Variants in EIF2D observed in about 807,000 individuals in gnomAD.
The protein encoded by EIF2D is eukaryotic translation initiation factor 2D.
In EIF2D, 56 loss-of-function variants were observed where a neutral mutation model predicts 77.4. The ratio of observed to expected loss-of-function variants is 0.72; its 90% CI spans 0.58 to 0.90. The LOEUF (loss-of-function observed/expected upper bound fraction) is 0.90. EIF2D is among the 40% of genes least tolerant of loss of function. The probability of loss-of-function intolerance (pLI) is 0.00; values close to 1 mark genes in which losing one functional copy is unlikely to be tolerated. For synonymous variants in EIF2D, 230 were observed against 271.0 expected, an observed-to-expected ratio of 0.85 and a Z score of 1.49; for missense variants, 574 against 706.5, an observed-to-expected ratio of 0.81 and a Z score of 2.13.
intron 14 of EIF2D, 101 bp downstream of exon 14, chr1:206,593,518 T>TGC (rs1413175935): frequency 2.0e-4 from 122 of 615,752 alleles, no homozygotes; most frequent in African/African-American, 6.0e-4. Context: ...AGTGTGTGTG[T>TGC]GTGTGTGTGT....
chr1:206,611,069 A>C lies in EIF2D; in HGVS notation c.247+115T>G. Reference sequence around the variant, plus strand: ...GTCCATAAAGATCCTTGGGGATGGTATTGGGAGATTTCGTGCTTGCTTATT... The same window carrying C: ...GTCCATAAAGATCCTTGGGGATGGTCTTGGGAGATTTCGTGCTTGCTTATT... On this transcript the variant is annotated intron_variant, in intron 2 of 14. Transcript: ENST00000271764. 2.1e-6 allele frequency: 2 copies of C among 944,838 alleles called. 1 individual carries two copies. The highest frequency in any genetic ancestry group is 3.5e-5 in the South Asian group (2 of 56,756). The allele number at this position is 944,838 out of a possible 1,614,324, so 58.5% of individuals were successfully genotyped here. A position where few individuals can be genotyped will look rare whatever the true frequency, so the allele number is the denominator to read the frequency against.
rs781844243 is a variant in EIF2D, at chr1:206,611,274, A to G, written c.157T>C (p.Leu53=). ...PGKEELNIVK[L]YAHKGDAVTV... is the part of the protein sequence containing the mutation. The stretch of plus-strand genomic sequence containing the variant: ...ACTGCATCCCCTTTGTGAGCATACA[A>G]CTTCACAATGTTGAGCTCCTCCTTT... The change falls in exon 2 of 15, where the codon TTG becomes CTG. Residue 53 remains leucine (L), a synonymous_variant. Coordinates refer to ENST00000271764, the MANE Select transcript of EIF2D (RefSeq NM_006893.3). The G allele has an allele frequency of 9.9e-6, 16 of 1,614,050 alleles. No homozygotes were observed. The highest frequency in any genetic ancestry group is 1.4e-5 in the Non-Finnish European group (16 of 1,180,026).
intron 4 of EIF2D, among the ~76,000 whole-genome samples, chr1:206,577,894 G>C (rs904517341): frequency 3.9e-5 from 6 of 152,120 alleles, no homozygotes; most frequent in Non-Finnish European, 8.8e-5. Context: ...AGTCTAGTTG[G>C]GAAGAAGACC....
At chr1:206,590,640 C>T (rs1553408783), downstream of EIF2D, among the ~76,000 whole-genome samples, 1 of 152,076 alleles carries the variant, frequency 6.6e-6, no homozygotes, top group Non-Finnish European at 1.5e-5. Flanking sequence ...GTAAAAAGGT[C>T]TATTCTGGGC....
intron 4 of EIF2D, among the ~76,000 whole-genome samples, chr1:206,578,410 G>A (rs1341062100): frequency 6.6e-6 from 1 of 152,104 alleles, no homozygotes; most frequent in Non-Finnish European, 1.5e-5. Context: ...ATGATGAAAT[G>A]AGCTAATACA....
At chr1:206,611,693 C>G (rs1670504598) in intron 1 of EIF2D, among the ~76,000 whole-genome samples, 1 of 152,220 alleles carries the variant, frequency 6.6e-6, no homozygotes, top group African/African-American at 2.4e-5. Context: ...GGGCCCACTC[C>G]TTTCTCATAC....
At chr1:206,570,428 C>T (rs567810472), downstream of EIF2D, among the ~76,000 whole-genome samples, 12 of 152,190 alleles carry the variant, frequency 7.9e-5, no homozygotes, top group South Asian at 1.0e-3. Flanking sequence ...AGTGCAGTGA[C>T]GTTAAGTATA....
rs782326068 is a variant in EIF2D at position 206,599,592 on chromosome 1, G to A, written c.1073C>T (p.Pro358Leu). The change falls in exon 10 of 15, where the codon CCC (proline) becomes CTC (leucine). Residue 358 changes from proline (P) to leucine (L), a missense_variant. Transcript: ENST00000271764. The surrounding 1 kb of genome is among the most constrained non-coding windows in gnomAD (Gnocchi z 4.1). ...AGTCTGGGAGGTCGGGGAGGGCTCG[G>A]GTATGACGAAAGATGTAATCCTAAA... The part of the protein sequence containing the change: ...KHPRITSFVI[P>L]EPSPTSQTIQ... The A allele has an allele frequency of 1.9e-6, 3 of 1,599,598 alleles. No homozygotes were observed. Among genetic ancestry groups the A allele is most frequent in the African/African-American group, 1.3e-5 (1 of 74,226 alleles).
chr1:206,588,786 T>A (rs1322974807), downstream of EIF2D: 3 of 152,718 alleles, frequency 2.0e-5, no homozygotes, highest in African/African-American at 4.8e-5. Context: ...TCCCTCCCTT[T>A]AGAAACTCTC....
chr1:206,612,456 C>A lies in EIF2D; in HGVS notation c.-114G>T, dbSNP rs568716523. 138 of 1,391,260 alleles carry A rather than the reference C, an allele frequency of 9.9e-5. No individual in the cohort carries two copies. The African/African-American group carries it at 1.8e-3, about 18-fold the overall frequency. The allele number at this position is 1,391,260 out of a possible 1,614,324, so 86.2% of individuals were successfully genotyped here. ...GGGGGCAGCCATGCTGGGGCCCGGC[C>A]GCGAAAAGGGCCCGGCTGGAAACCA... On this transcript the variant is annotated 5_prime_UTR_variant, in exon 1 of 15. Transcript: ENST00000271764.
At chr1:206,573,480 G>C (rs1381706986) in intron 4 of EIF2D, among the ~76,000 whole-genome samples, 1 of 152,206 alleles carries the variant, frequency 6.6e-6, no homozygotes, top group Non-Finnish European at 1.5e-5. Context: ...ACAGGCACGG[G>C]TGCTTCTCTC....
chr1:206,612,189 C>G (rs1670529914), intron 1 of EIF2D, 98 bp downstream of exon 1: 2 of 1,554,260 alleles, frequency 1.3e-6, no homozygotes, highest in Non-Finnish European at 1.8e-6. Flanking sequence ...CGGCCTCCAC[C>G]CGAGGATGTC....
At chr1:206,585,483 CT>C (rs1176209049) in intron 2 of EIF2D, 2 of 541,332 alleles carry the variant, frequency 3.7e-6, no homozygotes, top group Non-Finnish European at 6.7e-6. Context: ...TCTGAACACC[CT>C]GGGGTAGCAC....
In EIF2D at chr1:206,593,743, C is replaced by T; in HGVS notation, c.1560G>A (p.Val520=). The part of the protein sequence containing the change: ...LEAYGLDPYS[V]AAILQQRCQA... The stretch of plus-strand genomic sequence containing the variant: ...GGCATCGCTGCTGAAGGATGGCAGC[C>T]ACTGAGTATGGGTCCAGACCATAGG... The change falls in exon 14 of 15, where the codon GTG becomes GTA. Residue 520 remains valine (V), a synonymous_variant. Coordinates refer to ENST00000271764, the MANE Select transcript of EIF2D (RefSeq NM_006893.3). 6.2e-7 allele frequency: 1 copy of T among 1,613,774 alleles called. No individual in the cohort carries two copies. Among genetic ancestry groups the T allele is most frequent in the Non-Finnish European group, 8.5e-7 (1 of 1,179,908 alleles).
chr1:206,587,822 GA>G (rs1327192877), downstream of EIF2D: 1 of 152,494 alleles, frequency 6.6e-6, no homozygotes, highest in Non-Finnish European at 1.5e-5. Context: ...GCTAAGTATG[GA>G]AATCAGACAG....
chr1:206,581,387 C>T (rs1201073754), intron 2 of EIF2D, among the ~76,000 whole-genome samples: 1 of 152,092 alleles, frequency 6.6e-6, no homozygotes, highest in Non-Finnish European at 1.5e-5. Flanking sequence ...CATTTGAGGT[C>T]AGGAGTTCGA....
In EIF2D at chr1:206,603,139, C is replaced by G. The variant is rs1670013430; in HGVS notation, c.596G>C (p.Ser199Thr). Reference protein sequence around the residue: ...APLALDSADLSEEKGSVQMDS... With the variant: ...APLALDSADLTEEKGSVQMDS... ...CATCTGGACAGACCCCTTCTCTTCA[C>G]TGAGATCTGCTGAATCCAGGGCCAG... Residue 199 changes from serine (S) to threonine (T), a missense_variant, in exon 6 of 15, where the codon AGT becomes ACT. Ser to Thr is a moderately conservative substitution (Grantham distance 58). Transcript: ENST00000271764. 6.2e-7 allele frequency: 1 copy of G among 1,614,034 alleles called. No homozygotes were observed. The highest frequency in any genetic ancestry group is 1.3e-5 in the African/African-American group (1 of 74,908).
chr1:206,609,297 A>G, intron 3 of EIF2D, 79 bp downstream of exon 3: 1 of 1,370,306 alleles, frequency 7.3e-7, no homozygotes, highest in Admixed American at 1.9e-5. Context: ...AACACAGGAA[A>G]TGGGTAAGTT....
chr1:206,586,589 C>T (rs1669120491), intron 2 of EIF2D: 1 of 428,198 alleles, frequency 2.3e-6, no homozygotes, highest in African/African-American at 2.0e-5. Context: ...AAAATAAAAA[C>T]ATGGTTCATA....
Sources: gnomAD v4.1 joint callset for allele counts (sites outside exome capture counted in the v4.1 genomes callset) on GRCh38, gnomAD v4.1.1 for gene constraint, Gnocchi (gnomAD v3.1) non-coding constraint, MANE v1.5 for transcripts, NCBI Gene and HGNC (gene_info 2026-07-23, HGNC 2026-07-21) for gene names.